RORA: variants seen among roughly 807,000 people sequenced by gnomAD.
The protein encoded by RORA is nuclear receptor ROR-alpha.
RORA carries 7 observed loss-of-function variants against 69.5 expected under a neutral mutation model. That is an observed-to-expected ratio of 0.10 (90% CI 0.06 to 0.19). The LOEUF (loss-of-function observed/expected upper bound fraction) is 0.19. Ranked by LOEUF, RORA falls within the 10% of genes least tolerant of loss-of-function variation. The pLI, the probability that RORA is intolerant of heterozygous loss-of-function variation, is 1.00. For synonymous variants in RORA, 261 were observed against 240.8 expected (o/e 1.08, Z -0.78); for missense variants, 457 against 663.0 (o/e 0.69, Z 3.41).
chr15:60,575,342 G>A (rs767649486), intron 2 of RORA, among the ~76,000 whole-genome samples: 7 of 152,176 alleles, frequency 4.6e-5, no homozygotes, highest in South Asian at 4.2e-4. Flanking sequence ...TTCATGATAC[G>A]GAGTTACAGC....
At chr15:60,918,379 G>A (rs1408971744) in intron 1 of RORA, among the ~76,000 whole-genome samples, 1 of 152,190 alleles carries the variant, frequency 6.6e-6, no homozygotes, top group African/African-American at 2.4e-5. Context: ...AATTTCCAGT[G>A]GCTACTAATT....
chr15:61,109,811 A>C (rs746184249), intron 1 of RORA, among the ~76,000 whole-genome samples: 1 of 152,204 alleles, frequency 6.6e-6, no homozygotes. Flanking sequence ...CCCCATCTGT[A>C]AATGGGTGTG....
chr15:60,876,560 TAA>T (rs1301752673), intron 1 of RORA, among the ~76,000 whole-genome samples: 1 of 152,234 alleles, frequency 6.6e-6, no homozygotes, highest in African/African-American at 2.4e-5. Context: ...GGCTATGTGA[TAA>T]GAGTCACACA....
rs758599739 is a variant in RORA, at chr15:60,496,573, A to T, written c.*882T>A. On this transcript the variant is annotated 3_prime_UTR_variant, in exon 11 of 11. Coordinates refer to ENST00000335670, the MANE Select transcript of RORA (RefSeq NM_134261.3). The surrounding 1 kb of genome is among the most constrained non-coding windows in gnomAD (Gnocchi z 4.5). ...CCAAAAAGCAAAGTATAATTTAGGG[A>T]GAGTTCCGTTTCTAATTCCAAATTC... The T allele has an allele frequency of 1.9e-4, 29 of 152,178 alleles. No individual in the cohort carries two copies. Among genetic ancestry groups the T allele is most frequent in the African/African-American group, 7.0e-4 (29 of 41,456 alleles). The allele number at this position is 152,178 out of a possible 1,614,324, so 9.4% of individuals were successfully genotyped here.
At chr15:60,669,284 T>C (rs1480005691) in intron 2 of RORA, among the ~76,000 whole-genome samples, 2 of 152,188 alleles carry the variant, frequency 1.3e-5, no homozygotes, top group African/African-American at 4.8e-5. Flanking sequence ...TTTTCTTTAA[T>C]AATCAGAAGA....
intron 1 of RORA, among the ~76,000 whole-genome samples, chr15:61,100,746 C>T (rs1242188466): frequency 6.6e-6 from 1 of 152,204 alleles, no homozygotes; most frequent in African/African-American, 2.4e-5. Context: ...CCAGCACATG[C>T]CCTCAGTTAC....
At chr15:60,933,229 T>C (rs1169883638) in intron 1 of RORA, among the ~76,000 whole-genome samples, 3 of 152,232 alleles carry the variant, frequency 2.0e-5, no homozygotes, top group Non-Finnish European at 2.9e-5. Context: ...TATGGAATCA[T>C]GTCCAGACTT....
rs371153409 is a variant in RORA at position 60,892,253 on chromosome 15, G to A, written c.167-213567C>T. On this transcript the variant is annotated intron_variant, in intron 1 of 10. Coordinates refer to ENST00000335670, the MANE Select transcript of RORA (RefSeq NM_134261.3). ...AGGCTGGGTAACAGCACACTCAGAT[G>A]GGAATTCCAGGTCTTGGGATTCCTA... Among the ~76,000 whole-genome samples the A allele has an allele frequency of 1.3e-4, 20 of 152,270 alleles. No homozygotes were observed. The East Asian group carries it at 1.5e-3, about 12-fold the overall frequency.
chr15:60,664,453 TGAA>T (rs908370663), intron 2 of RORA, among the ~76,000 whole-genome samples: 1 of 152,174 alleles, frequency 6.6e-6, no homozygotes, highest in Non-Finnish European at 1.5e-5. Flanking sequence ...AGAAAATGGG[TGAA>T]GGAGGCTATA....
intron 1 of RORA, among the ~76,000 whole-genome samples, chr15:60,964,081 G>C (rs1395580219): frequency 1.3e-5 from 2 of 152,180 alleles, no homozygotes; most frequent in Non-Finnish European, 2.9e-5. Flanking sequence ...TTAATAGACT[G>C]GGAAACCATA....
At chr15:60,826,512 C>G (rs773731517) in intron 1 of RORA, among the ~76,000 whole-genome samples, 3 of 152,184 alleles carry the variant, frequency 2.0e-5, no homozygotes, top group African/African-American at 7.2e-5. Context: ...AATGCTGAGT[C>G]CTGCACCAGT....
chr15:60,725,586 C>G (rs2071346659), intron 1 of RORA, among the ~76,000 whole-genome samples: 1 of 152,206 alleles, frequency 6.6e-6, no homozygotes, highest in Non-Finnish European at 1.5e-5. Context: ...CAATTATAAT[C>G]TTAGTTCTTT....
intron 1 of RORA, among the ~76,000 whole-genome samples, chr15:60,931,725 G>A (rs1892378850): frequency 6.6e-6 from 1 of 152,178 alleles, no homozygotes; most frequent in South Asian, 2.1e-4. Flanking sequence ...AAATGTAAGG[G>A]CAGGAAGAGA....
chr15:60,622,502 C>T (rs1012255276), intron 2 of RORA, among the ~76,000 whole-genome samples: 1 of 151,792 alleles, frequency 6.6e-6, no homozygotes, highest in Non-Finnish European at 1.5e-5. Flanking sequence ...GTCCCAGCTA[C>T]TCAGGAGGCT....
intron 1 of RORA, among the ~76,000 whole-genome samples, chr15:61,222,907 A>G (rs1271475362): frequency 6.6e-6 from 1 of 152,204 alleles, no homozygotes; most frequent in Non-Finnish European, 1.5e-5. Flanking sequence ...ATATCTATGT[A>G]AGAGTTAGGA....
intron 1 of RORA, among the ~76,000 whole-genome samples, chr15:61,088,154 C>T (rs1030596357): frequency 2.0e-5 from 3 of 152,150 alleles, no homozygotes; most frequent in African/African-American, 7.2e-5. Flanking sequence ...AGTGACAGGT[C>T]ATCTATGAAA....
intron 1 of RORA, among the ~76,000 whole-genome samples, chr15:60,724,097 C>T (rs12899193): frequency 0.54 from 82,157 of 151,932 alleles, 24,231 homozygotes; most frequent in Non-Finnish European, 0.68. Context: ...TCTTTCCACC[C>T]GGATTTATTC....
At chr15:60,713,291 G>T (rs949329941) in intron 1 of RORA, among the ~76,000 whole-genome samples, 4 of 152,090 alleles carry the variant, frequency 2.6e-5, no homozygotes, top group African/African-American at 9.7e-5. Flanking sequence ...GAGGTCACTT[G>T]GTTTGAGGAA....
In RORA at chr15:61,052,261, A is replaced by AG. The variant is rs1220652002; in HGVS notation, c.166+176791dup. ...GGCCTTTTAAGCCTTATTAAGGTTGAGGAAAAACTCTGGTGAAATTATACT... is the reference window on the plus strand; with the variant it reads ...GGCCTTTTAAGCCTTATTAAGGTTGAGGGAAAAACTCTGGTGAAATTATACT... On this transcript the variant is annotated intron_variant, in intron 1 of 10. Transcript: ENST00000335670. 3.3e-5 allele frequency among the ~76,000 whole-genome samples: 5 copies of AG among 152,276 alleles called. No homozygotes were observed. The East Asian group carries it at 9.6e-4, about 29-fold the overall frequency.
Sources: allele counts gnomAD v4.1 joint callset (sites outside exome capture counted in the v4.1 genomes callset), GRCh38; gene constraint gnomAD v4.1.1; non-coding constraint Gnocchi (gnomAD v3.1); transcripts MANE v1.5; gene names NCBI Gene and HGNC (gene_info 2026-07-23, HGNC 2026-07-21).